MYL4: variants seen among roughly 807,000 people sequenced by gnomAD.
The protein encoded by MYL4 is atrial myosin light chain 1.
MYL4 carries 16 observed loss-of-function variants against 21.6 expected under a neutral mutation model. That is an observed-to-expected ratio of 0.74 (90% CI 0.50 to 1.12). The LOEUF is 1.12. Ranked by LOEUF, MYL4 falls within the 50% of genes most tolerant of loss-of-function variation. The pLI is 0.00. For synonymous variants in MYL4, 82 were observed against 95.7 expected (o/e 0.86, Z 0.83); for missense variants, 249 against 252.9 (o/e 0.98, Z 0.11).
chr17:47,219,848 ACC>A, intron 2 of MYL4, 54 bp from the exon 3 acceptor site: 1 of 1,610,862 alleles, frequency 6.2e-7, no homozygotes, highest in Non-Finnish European at 8.5e-7. Context: ...CTGATTGGCC[ACC>A]AGCCACCACC....
At position 47,223,077 on chromosome 17, in the gene MYL4, C is replaced by T. The variant is rs1327370637; in HGVS notation, c.*15+20C>T. On this transcript the variant is annotated intron_variant, in intron 6 of 6. Transcript: ENST00000393450. ...TTCCAGGTGAGTGCAGCCTCTCCCT[C>T]CTGGTCCCTTCCGGGGTCACATAGG... is the stretch of plus-strand genomic sequence containing the variant. The T allele has an allele frequency of 6.2e-7, 1 of 1,613,898 alleles. No individual in the cohort carries two copies. The highest frequency in any genetic ancestry group is 2.2e-5 in the East Asian group (1 of 44,882).
the MYL4 span, among the ~76,000 whole-genome samples, chr17:47,193,687 G>A: frequency 1.3e-5 from 2 of 151,884 alleles, no homozygotes; most frequent in African/African-American, 4.8e-5. Flanking sequence ...ATTCTTCTTA[G>A]GCAAAACTAT....
chr17:47,224,121 A>G (rs764139751), downstream of MYL4, among the ~76,000 whole-genome samples: 11 of 152,228 alleles, frequency 7.2e-5, no homozygotes, highest in Non-Finnish European at 1.5e-4. Context: ...AGTGAGGTAT[A>G]TTCACATTGT....
At chr17:47,200,559 A>G (rs2064705578) in exon 1 of MYL4, 1 of 152,268 alleles carries the variant, frequency 6.6e-6, no homozygotes, top group Non-Finnish European at 1.5e-5. Context: ...CTGTTAGCAT[A>G]TCTGGGATGA....
chr17:47,213,670 T>C, intron 1 of MYL4, 129 bp from the exon 2 acceptor site: 1 of 886,458 alleles, frequency 1.1e-6, no homozygotes, highest in South Asian at 1.4e-5. Context: ...TCACCTTCCC[T>C]GCTTATCAGT....
chr17:47,199,498 T>C (rs985678797), upstream of MYL4, among the ~76,000 whole-genome samples: 1 of 151,960 alleles, frequency 6.6e-6, no homozygotes, highest in African/African-American at 2.4e-5. Flanking sequence ...CAGGTACTTC[T>C]ACTAAGATGA....
chr17:47,199,714 A>G (rs2064702712), upstream of MYL4, among the ~76,000 whole-genome samples: 2 of 150,652 alleles, frequency 1.3e-5, no homozygotes, highest in South Asian at 4.2e-4. Context: ...TAGGTGCTCA[A>G]TACATGTTAG....
At chr17:47,205,370 A>G (rs2064723584), upstream of MYL4, among the ~76,000 whole-genome samples, 1 of 149,308 alleles carries the variant, frequency 6.7e-6, no homozygotes. Context: ...CACATATTGT[A>G]GGGCAAGTCT....
chr17:47,194,201 A>G, the MYL4 span, among the ~76,000 whole-genome samples: 1 of 152,230 alleles, frequency 6.6e-6, no homozygotes, highest in African/African-American at 2.4e-5. Flanking sequence ...TTTGTTCGGA[A>G]TGGAACCCCT....
chr17:47,192,644 T>C, the MYL4 span, among the ~76,000 whole-genome samples: 2 of 151,382 alleles, frequency 1.3e-5, no homozygotes, highest in Non-Finnish European at 2.9e-5. Flanking sequence ...TGCAAGACTG[T>C]GTCTCAAAAA....
chr17:47,206,417 A>G (rs2064728592), upstream of MYL4, among the ~76,000 whole-genome samples: 1 of 152,200 alleles, frequency 6.6e-6, no homozygotes, highest in South Asian at 2.1e-4. Context: ...TAGAATAACT[A>G]CAACAATAAC....
intron 1 of MYL4, among the ~76,000 whole-genome samples, chr17:47,203,327 T>C (rs2064716178): frequency 6.6e-6 from 1 of 152,136 alleles, no homozygotes; most frequent in South Asian, 2.1e-4. Context: ...TTTTCTTTTA[T>C]GTTTTCTATT....
At chr17:47,195,880 A>C (rs1369106450), upstream of MYL4, among the ~76,000 whole-genome samples, 1 of 152,218 alleles carries the variant, frequency 6.6e-6, no homozygotes, top group Non-Finnish European at 1.5e-5. Flanking sequence ...CTTCTGGTCT[A>C]GTCTATAAGC....
At position 47,222,474 on chromosome 17, in the gene MYL4, T is replaced by C. The variant is rs576910138; in HGVS notation, c.565+17T>C. On this transcript the variant is annotated intron_variant, in intron 5 of 6. Transcript: ENST00000393450. Reference sequence around the variant, plus strand: ...ATTATGAAGGTATTAAGCCGCGCCTTGCATCCCAGGGCAGCCAGGGATGGT... The same window carrying C: ...ATTATGAAGGTATTAAGCCGCGCCTCGCATCCCAGGGCAGCCAGGGATGGT... The C allele has an allele frequency of 1.4e-5, 22 of 1,613,612 alleles. No individual in the cohort carries two copies. The African/African-American group carries it at 2.3e-4, about 17-fold the overall frequency.
At chr17:47,209,744 A>T (rs1319511221) in intron 1 of MYL4, 187 bp downstream of exon 1, 2 of 812,454 alleles carry the variant, frequency 2.5e-6, no homozygotes, top group East Asian at 5.1e-5. Context: ...TTGAGTCATA[A>T]ACCTTTTCCG....
upstream of MYL4, among the ~76,000 whole-genome samples, chr17:47,204,638 G>A (rs563322231): frequency 1.7e-4 from 26 of 152,050 alleles, 2 homozygotes; most frequent in Middle Eastern, 6.8e-3. Flanking sequence ...AGACTGAGGC[G>A]GGAGAATCAC....
At chr17:47,214,629 T>C (rs1056029293) in intron 2 of MYL4, among the ~76,000 whole-genome samples, 2 of 152,234 alleles carry the variant, frequency 1.3e-5, no homozygotes, top group Admixed American at 1.3e-4. Context: ...CACATATTAC[T>C]TAAAAGTAAA....
chr17:47,227,003 C>T (rs571265677), downstream of MYL4, among the ~76,000 whole-genome samples: 76 of 152,208 alleles, frequency 5.0e-4, 1 homozygote, highest in East Asian at 2.9e-3. Flanking sequence ...TACAGGTGCG[C>T]GCCACCACAC....
At chr17:47,211,267 G>T (rs1168854268) in intron 1 of MYL4, among the ~76,000 whole-genome samples, 1 of 152,136 alleles carries the variant, frequency 6.6e-6, no homozygotes. Context: ...CAGAAGAGAA[G>T]CCAGATGAGG....
Sources: allele counts gnomAD v4.1 joint callset (sites outside exome capture counted in the v4.1 genomes callset), GRCh38; gene constraint gnomAD v4.1.1; transcripts MANE v1.5; gene names NCBI Gene and HGNC (gene_info 2026-07-23, HGNC 2026-07-21).